Variants in NDST3 observed in about 807,000 individuals in gnomAD.
NDST3 encodes the protein bifunctional heparan sulfate N-deacetylase/N-sulfotransferase 3.
Under a neutral mutation model 96.1 loss-of-function variants are expected in NDST3, and 58 were observed. The ratio of observed to expected loss-of-function variants is 0.60; its 90% CI spans 0.49 to 0.75. NDST3 has a LOEUF of 0.75. NDST3 is among the 30% of genes least tolerant of loss of function. The pLI, the probability that NDST3 is intolerant of heterozygous loss-of-function variation, is 0.00. For synonymous variants in NDST3, 333 were observed against 359.7 expected (o/e 0.93, Z 0.84); for missense variants, 788 against 1,034.2 (o/e 0.76, Z 3.27).
intron 8 of NDST3, among the ~76,000 whole-genome samples, chr4:118,229,354 A>G (rs1218532674): frequency 2.0e-5 from 3 of 152,224 alleles, no homozygotes; most frequent in African/African-American, 4.8e-5. Context: ...TTATCTGGAT[A>G]TTCAAGTATT....
chr4:118,052,556 AAGAAT>A (rs745537769), intron 1 of NDST3, among the ~76,000 whole-genome samples: 13 of 152,010 alleles, frequency 8.6e-5, no homozygotes, highest in Non-Finnish European at 1.3e-4. Flanking sequence ...TTAAAAGGAA[AAGAAT>A]TCCTTAGGTG....
intron 4 of NDST3, among the ~76,000 whole-genome samples, chr4:118,123,552 AT>A (rs999014865): frequency 1.1e-4 from 17 of 152,082 alleles, no homozygotes; most frequent in South Asian, 2.1e-4. Context: ...TCATACATTC[AT>A]TTTTTTTACA....
At chr4:118,087,954 C>T (rs538283337) in intron 2 of NDST3, among the ~76,000 whole-genome samples, 1 of 152,188 alleles carries the variant, frequency 6.6e-6, no homozygotes, top group South Asian at 2.1e-4. Context: ...AACAAGGAAA[C>T]TCACCATATG....
intron 6 of NDST3, among the ~76,000 whole-genome samples, chr4:118,148,862 C>T (rs1228317387): frequency 6.6e-6 from 1 of 152,140 alleles, no homozygotes; most frequent in Non-Finnish European, 1.5e-5. Context: ...ATGATAATAA[C>T]TTTAGACCTA....
At chr4:118,239,011 T>C (rs1740855286) in intron 10 of NDST3, among the ~76,000 whole-genome samples, 1 of 152,208 alleles carries the variant, frequency 6.6e-6, no homozygotes, top group Non-Finnish European at 1.5e-5. Context: ...CCTATTTTCT[T>C]GGAAACAAAA....
In NDST3 at chr4:118,212,020, C is replaced by T. The variant is rs1376264136; in HGVS notation, c.1540-12471C>T. ...CTTGTTTGGGACCACTGTTTCTTTC[C>T]ATTCCACTTTCCCTTGTATCAAACA... On this transcript the variant is annotated intron_variant, in intron 6 of 13. Coordinates refer to ENST00000296499, the MANE Select transcript of NDST3 (RefSeq NM_004784.3). 1.3e-5 allele frequency among the ~76,000 whole-genome samples: 2 copies of T among 152,084 alleles called. 1 individual carries two copies. The highest frequency in any genetic ancestry group is 1.3e-4 in the Admixed American group (2 of 15,270).
rs370784337 is a variant in NDST3 at position 118,240,571 on chromosome 4, C to T, written c.2166C>T (p.Tyr722=). The T allele has an allele frequency of 1.2e-5, 20 of 1,613,420 alleles. No homozygotes were observed. The highest frequency in any genetic ancestry group is 6.7e-5 in the Admixed American group (4 of 59,920). The part of the protein sequence containing the change: ...EDPAALKFSF[Y]EVISAGPRAP... The stretch of plus-strand genomic sequence containing the variant: ...CTGCAGCTCTGAAGTTTAGCTTCTA[C>T]GAAGTGATCTCAGCAGGGCCCCGTG... Residue 722 remains tyrosine, a synonymous_variant, in exon 11 of 14, where the codon TAC becomes TAT. Transcript: ENST00000296499.
At chr4:118,217,197 C>G (rs945565111) in intron 6 of NDST3, among the ~76,000 whole-genome samples, 2 of 152,032 alleles carry the variant, frequency 1.3e-5, no homozygotes, top group African/African-American at 4.8e-5. Flanking sequence ...ATAAACGAAG[C>G]CGTGGAGAGG....
chr4:118,203,276 T>C (rs1001055366), intron 6 of NDST3, among the ~76,000 whole-genome samples: 1 of 152,162 alleles, frequency 6.6e-6, no homozygotes, highest in Non-Finnish European at 1.5e-5. Flanking sequence ...AAAGTTTCCT[T>C]TATTAATTGT....
chr4:118,181,797 T>C (rs1256495880), intron 6 of NDST3, among the ~76,000 whole-genome samples: 5 of 152,210 alleles, frequency 3.3e-5, no homozygotes, highest in Non-Finnish European at 7.3e-5. Context: ...TTTGTTACTA[T>C]ATTTTCAGCA....
intron 2 of NDST3, among the ~76,000 whole-genome samples, chr4:118,096,402 T>C (rs1729304720): frequency 6.6e-6 from 1 of 151,880 alleles, no homozygotes; most frequent in Non-Finnish European, 1.5e-5. Flanking sequence ...TACTGAGTTA[T>C]CATACTTTGC....
intron 3 of NDST3, among the ~76,000 whole-genome samples, chr4:118,112,789 C>T (rs1398712168): frequency 2.0e-5 from 3 of 152,164 alleles, no homozygotes; most frequent in Non-Finnish European, 4.4e-5. Context: ...CCCCTGAATC[C>T]ATCTTCCTAT....
chr4:118,213,555 A>C (rs1402248643), intron 6 of NDST3, among the ~76,000 whole-genome samples: 1 of 151,788 alleles, frequency 6.6e-6, no homozygotes, highest in African/African-American at 2.4e-5. Context: ...TAATAAGATA[A>C]ATTACTATTT....
At chr4:118,232,989 C>A in intron 8 of NDST3, 23 bp from the exon 9 acceptor site, 1 of 1,597,464 alleles carries the variant, frequency 6.3e-7, no homozygotes, top group East Asian at 2.2e-5. Context: ...TAATTAATTT[C>A]TGAACCTCTA....
intron 6 of NDST3, among the ~76,000 whole-genome samples, chr4:118,198,907 A>G (rs1737879549): frequency 6.6e-6 from 1 of 152,076 alleles, no homozygotes; most frequent in Non-Finnish European, 1.5e-5. Context: ...TAAGGTTTCC[A>G]CTGAAAAGGC....
In NDST3 at chr4:118,208,348, C is replaced by T. The variant is rs2125984701; in HGVS notation, c.1540-16143C>T. 1.4e-5 allele frequency among the ~76,000 whole-genome samples: 2 copies of T among 143,886 alleles called. 1 individual carries two copies. The highest frequency in any genetic ancestry group is 5.1e-5 in the African/African-American group (2 of 38,930). 94.4% of individuals were successfully genotyped at this position (143,886 alleles called of 152,430 possible). Reference sequence around the variant, plus strand: ...CAGTAGGTGTCCTCTAGTGCTGACTCATAAAGGTTTGAAATTTTTTATATT... The same window carrying T: ...CAGTAGGTGTCCTCTAGTGCTGACTTATAAAGGTTTGAAATTTTTTATATT... On this transcript the variant is annotated intron_variant, in intron 6 of 13. Transcript: ENST00000296499.
chr4:118,099,118 G>A (rs1253486900), intron 2 of NDST3, among the ~76,000 whole-genome samples: 2 of 152,054 alleles, frequency 1.3e-5, no homozygotes, highest in Non-Finnish European at 2.9e-5. Flanking sequence ...GTTACATATT[G>A]TTATTCTTGT....
chr4:118,143,792 G>T lies in NDST3; in HGVS notation c.1539+108G>T, dbSNP rs1733742734. The T allele has an allele frequency of 1.8e-5, 22 of 1,235,448 alleles. 1 individual carries two copies. In the Admixed American group the frequency reaches 6.1e-4, roughly 34 times the overall value. The allele number at this position is 1,235,448 out of a possible 1,614,324, so 76.5% of individuals were successfully genotyped here. A position where few individuals can be genotyped will look rare whatever the true frequency, so the allele number is the denominator to read the frequency against. On this transcript the variant is annotated intron_variant, in intron 6 of 13. Coordinates refer to ENST00000296499, the MANE Select transcript of NDST3 (RefSeq NM_004784.3). ...CAGTCATCAGCCAAGCCAATATGAA[G>T]TTCTAGCTCTGAAACAGTAGTAAAA...
chr4:118,149,638 A>G (rs368227470), intron 6 of NDST3, among the ~76,000 whole-genome samples: 1 of 151,040 alleles, frequency 6.6e-6, no homozygotes, highest in Non-Finnish European at 1.5e-5. Flanking sequence ...TTGCTTATCA[A>G]CTTAAGGAGA....
Sources: allele counts gnomAD v4.1 joint callset (sites outside exome capture counted in the v4.1 genomes callset), GRCh38; gene constraint gnomAD v4.1.1; transcripts MANE v1.5; gene names NCBI Gene and HGNC (gene_info 2026-07-23, HGNC 2026-07-21).